SUMF2: variants seen among roughly 807,000 people sequenced by gnomAD.
SUMF2 encodes the protein inactive C-alpha-formylglycine-generating enzyme 2.
A neutral mutation model predicts 44.8 loss-of-function variants in SUMF2; 45 were observed. That is an observed-to-expected ratio of 1.00 (90% CI 0.79 to 1.29). The LOEUF (loss-of-function observed/expected upper bound fraction) is 1.29. Among genes scored for constraint, SUMF2 ranks in the 50% most tolerant of loss-of-function variants. The pLI, the probability that SUMF2 is intolerant of heterozygous loss-of-function variation, is 0.00. For missense variants in SUMF2, 418 were observed against 389.9 expected (o/e 1.07, Z -0.61); for synonymous variants, 148 against 150.4 (o/e 0.98, Z 0.12).
chr7:56,081,302 G>A, downstream of SUMF2: 1 of 1,603,692 alleles, frequency 6.2e-7, no homozygotes, highest in Non-Finnish European at 8.5e-7. This position sits in a 1 kb window ranked among gnomAD's most constrained non-coding sequence, Gnocchi z 4.6. Flanking sequence ...GCGATCACCT[G>A]CAGGGCCAGG....
chr7:56,081,983 C>T, downstream of SUMF2: 3 of 1,613,958 alleles, frequency 1.9e-6, no homozygotes, highest in Non-Finnish European at 2.5e-6. This position sits in a 1 kb window ranked among gnomAD's most constrained non-coding sequence, Gnocchi z 4.6. Flanking sequence ...TCAGCATCTG[C>T]TTCCGGTGCC....
chr7:56,067,106 T>C (rs1254670023), intron 1 of SUMF2, among the ~76,000 whole-genome samples: 1 of 151,994 alleles, frequency 6.6e-6, no homozygotes, highest in African/African-American at 2.4e-5. Context: ...GTTCAGTAAG[T>C]GGAGAGGAAG....
At position 56,078,505 on chromosome 7, in the gene SUMF2, C is replaced by T. The variant is rs1374680945; in HGVS notation, c.818C>T (p.Thr273Ile). 1.3e-6 allele frequency: 2 copies of T among 1,569,236 alleles called. No individual in the cohort carries two copies. The highest frequency in any genetic ancestry group is 1.7e-6 in the Non-Finnish European group (2 of 1,156,934). The part of the protein sequence containing the change: ...GSANHRARVT[T>I]RMGNTPDSAS... Reference sequence around the variant, plus strand: ...GCCAATCACCGGGCCCGGGTCACCACCAGGTAAGGGGCTTGGTCCCAGGCA... The same window carrying T: ...GCCAATCACCGGGCCCGGGTCACCATCAGGTAAGGGGCTTGGTCCCAGGCA... Residue 273 changes from threonine to isoleucine, a missense_variant, in exon 8 of 9, where the codon ACC becomes ATC. By Grantham distance (89) the Thr-to-Ile change is moderately conservative. Transcript: ENST00000434526.
chr7:56,082,697 G>C (rs1192446369), downstream of SUMF2, among the ~76,000 whole-genome samples: 1 of 152,214 alleles, frequency 6.6e-6, no homozygotes, highest in Non-Finnish European at 1.5e-5. Flanking sequence ...GCCCAGGGCA[G>C]GGCGGGATAC....
chr7:56,082,171 C>T (rs1342466574), downstream of SUMF2: 5 of 1,613,968 alleles, frequency 3.1e-6, no homozygotes, highest in South Asian at 4.4e-5. Flanking sequence ...ACATGTCCAC[C>T]TCTTTCCCGT....
At chr7:56,064,609 C>T (rs1794623242) in intron 1 of SUMF2, among the ~76,000 whole-genome samples, 1 of 151,870 alleles carries the variant, frequency 6.6e-6, no homozygotes, top group Admixed American at 6.6e-5. Flanking sequence ...CGCGGTGGCT[C>T]GAGCCTGTAA....
rs144231592 is a variant in SUMF2 at position 56,074,695 on chromosome 7, C to G, written c.494C>G (p.Thr165Arg). 17 of 1,614,114 alleles carry G rather than the reference C, an allele frequency of 1.1e-5. No individual in the cohort carries two copies. The South Asian group carries it at 1.8e-4, about 17-fold the overall frequency. Residue 165 changes from threonine (T) to arginine (R), a missense_variant, in exon 5 of 9, where the codon ACG (threonine) becomes AGG (arginine). Transcript: ENST00000434526. ...YCAWRGKRLP[T>R]EEEWEFAARG... Reference sequence around the variant, plus strand: ...GCTTGGCGGGGAAAACGACTGCCCACGGAGGAAGAGTGGGAGTTTGCCGCC... The same window carrying G: ...GCTTGGCGGGGAAAACGACTGCCCAGGGAGGAAGAGTGGGAGTTTGCCGCC...
downstream of SUMF2, chr7:56,083,087 CAG>C (rs1369361202): frequency 7.6e-6 from 4 of 523,186 alleles, no homozygotes; most frequent in East Asian, 1.3e-4. Flanking sequence ...GCCTGGGCGA[CAG>C]AGTGAGACTC....
At chr7:56,064,459 C>T (rs1461049566) in intron 1 of SUMF2, 81 bp downstream of exon 1, 4 of 1,481,496 alleles carry the variant, frequency 2.7e-6, no homozygotes, top group East Asian at 2.7e-5. Context: ...GCCTTAGGCC[C>T]TTCTGCCGGC....
chr7:56,072,535 C>T (rs1249031124), intron 2 of SUMF2, among the ~76,000 whole-genome samples: 4 of 151,434 alleles, frequency 2.6e-5, no homozygotes, highest in African/African-American at 7.3e-5. Flanking sequence ...CCAGCCTGGC[C>T]AACATGGTGA....
chr7:56,069,186 G>C (rs1795006548), intron 2 of SUMF2, among the ~76,000 whole-genome samples: 1 of 152,186 alleles, frequency 6.6e-6, no homozygotes, highest in Non-Finnish European at 1.5e-5. Flanking sequence ...TCTTGAGCCA[G>C]TGCATTTTCC....
chr7:56,071,938 G>A (rs906009073), intron 2 of SUMF2, among the ~76,000 whole-genome samples: 2 of 146,102 alleles, frequency 1.4e-5, no homozygotes, highest in African/African-American at 2.5e-5. Flanking sequence ...GGTGAAACCC[G>A]TCTCTACTAA....
chr7:56,074,563 T>A, intron 4 of SUMF2, 23 bp from the exon 5 acceptor site: 1 of 1,611,212 alleles, frequency 6.2e-7, no homozygotes, highest in Non-Finnish European at 8.5e-7. Context: ...CGGAAGCCTG[T>A]CTCACTTAAT....
At chr7:56,083,106 A>C, downstream of SUMF2, 2 of 158,714 alleles carry the variant, frequency 1.3e-5, no homozygotes, top group Admixed American at 6.9e-5. Flanking sequence ...ACTCCATCTC[A>C]AAAAAAAAAA....
chr7:56,068,898 A>C (rs1376486861), intron 2 of SUMF2, among the ~76,000 whole-genome samples: 1 of 150,710 alleles, frequency 6.6e-6, no homozygotes, highest in East Asian at 2.0e-4. Context: ...TTTTTAGTAG[A>C]GACGGGGTTT....
chr7:56,069,488 C>CAT (rs958433873), intron 2 of SUMF2, among the ~76,000 whole-genome samples: 9 of 151,940 alleles, frequency 5.9e-5, no homozygotes, highest in South Asian at 2.1e-4. Context: ...CATACACACA[C>CAT]ATATATATAT....
chr7:56,083,149 C>T (rs926444713), downstream of SUMF2: 12 of 789,448 alleles, frequency 1.5e-5, no homozygotes, highest in African/African-American at 3.5e-5. Context: ...AATCCCTAGC[C>T]CTTGAAATGG....
intron 1 of SUMF2, among the ~76,000 whole-genome samples, chr7:56,067,666 A>G (rs754235388): frequency 1.1e-4 from 17 of 152,036 alleles, no homozygotes; most frequent in Non-Finnish European, 2.4e-4. Flanking sequence ...GCTGAGGTGG[A>G]AGGATCATTT....
rs199542933 is a variant in SUMF2 at position 56,079,619 on chromosome 7, G to A, written c.*7G>A. The A allele has an allele frequency of 1.3e-4, 209 of 1,614,228 alleles. No homozygotes were observed. In the African/African-American group the frequency reaches 2.2e-3, roughly 17 times the overall value. ...GCCGCCAGGGGAGCTGTAAGCAGCC[G>A]GGTGGTGACAAGGAGAAAAGCCTTC... On this transcript the variant is annotated 3_prime_UTR_variant, in exon 9 of 9. Coordinates refer to ENST00000434526, the MANE Select transcript of SUMF2 (RefSeq NM_015411.4).
Sources: gnomAD v4.1 joint callset for allele counts (sites outside exome capture counted in the v4.1 genomes callset) on GRCh38, gnomAD v4.1.1 for gene constraint, Gnocchi (gnomAD v3.1) non-coding constraint, MANE v1.5 for transcripts, NCBI Gene and HGNC (gene_info 2026-07-23, HGNC 2026-07-21) for gene names.